Variants in RAB3B observed in about 807,000 individuals in gnomAD.
The protein encoded by RAB3B is ras-related protein Rab-3B.
Under a neutral mutation model 20.5 loss-of-function variants are expected in RAB3B, and 11 were observed. The ratio of observed to expected loss-of-function variants is 0.54; its 90% CI spans 0.34 to 0.89. The LOEUF (loss-of-function observed/expected upper bound fraction) is 0.89, where lower values mean the gene tolerates loss of function less well. Among genes scored for constraint, RAB3B ranks in the 40% least tolerant of loss-of-function variants. RAB3B has a pLI of 0.02. For missense variants in RAB3B, 225 were observed against 280.9 expected (o/e 0.80, Z 1.42); for synonymous variants, 99 against 106.3 (o/e 0.93, Z 0.42).
intron 4 of RAB3B, among the ~76,000 whole-genome samples, chr1:51,925,683 CTT>C (rs935908877): frequency 1.3e-5 from 2 of 152,312 alleles, no homozygotes; most frequent in African/African-American, 4.8e-5. Flanking sequence ...AGAAGCTTCA[CTT>C]TTTCTTCCCC....
At chr1:51,959,183 T>A (rs551215557) in intron 2 of RAB3B, among the ~76,000 whole-genome samples, 4 of 152,232 alleles carry the variant, frequency 2.6e-5, no homozygotes, top group South Asian at 4.1e-4. Flanking sequence ...GAGATGATAC[T>A]TGAACTGAGT....
intron 2 of RAB3B, among the ~76,000 whole-genome samples, chr1:51,950,818 C>A (rs935224156): frequency 3.3e-5 from 5 of 152,126 alleles, no homozygotes; most frequent in Non-Finnish European, 7.3e-5. Flanking sequence ...TTCCCCCATG[C>A]GCTACCCTCC....
At chr1:51,972,935 A>G (rs972099364) in intron 2 of RAB3B, among the ~76,000 whole-genome samples, 1 of 152,152 alleles carries the variant, frequency 6.6e-6, no homozygotes, top group Admixed American at 6.5e-5. Flanking sequence ...TTGTTTATTA[A>G]TTTTTAGATA....
rs952010570 is a variant in RAB3B at position 51,911,777 on chromosome 1, A to T, written c.*8150T>A. 5 of 152,216 alleles carry T rather than the reference A, an allele frequency of 3.3e-5. No homozygotes were observed. The allele number at this position is 152,216 out of a possible 1,614,324, so 9.4% of individuals were successfully genotyped here. On this transcript the variant is annotated 3_prime_UTR_variant, in exon 5 of 5. Transcript: ENST00000371655. ...CATATCTTCAAATATTTGCCACTCA[A>T]ATGGAAAAAGAATAGGTCCAGCTTT...
chr1:51,933,481 T>C, intron 3 of RAB3B, 39 bp from the exon 4 acceptor site: 1 of 1,575,484 alleles, frequency 6.3e-7, no homozygotes, highest in Non-Finnish European at 8.7e-7. Context: ...ATCATATTCC[T>C]ATAGACTGAA....
At chr1:51,921,812 A>C (rs902234350) in intron 4 of RAB3B, among the ~76,000 whole-genome samples, 1 of 152,126 alleles carries the variant, frequency 6.6e-6, no homozygotes, top group African/African-American at 2.4e-5. Context: ...CCTCCTCTCC[A>C]TCTTTCTAAC....
intron 2 of RAB3B, among the ~76,000 whole-genome samples, chr1:51,962,749 G>T (rs374902961): frequency 3.1e-4 from 47 of 152,116 alleles, no homozygotes; most frequent in African/African-American, 1.1e-3. Flanking sequence ...CCTCTCATCC[G>T]AACGTTTCTT....
intron 4 of RAB3B, among the ~76,000 whole-genome samples, chr1:51,921,338 A>G (rs1684169174): frequency 6.6e-6 from 1 of 152,156 alleles, no homozygotes; most frequent in Non-Finnish European, 1.5e-5. Context: ...AATCCTCACA[A>G]TAACCAGTTG....
chr1:51,927,355 C>T (rs1684258915), intron 4 of RAB3B, among the ~76,000 whole-genome samples: 2 of 152,204 alleles, frequency 1.3e-5, no homozygotes. Context: ...GACCCAGAGA[C>T]AGCAAATGCA....
chr1:51,976,509 T>C (rs187748606), intron 2 of RAB3B, among the ~76,000 whole-genome samples: 2 of 152,168 alleles, frequency 1.3e-5, no homozygotes, highest in Non-Finnish European at 2.9e-5. Context: ...AGCCTTATGA[T>C]GTAGATGCTA....
intron 2 of RAB3B, 22 bp downstream of exon 2, chr1:51,976,868 G>A (rs753282265): frequency 1.4e-5 from 22 of 1,605,052 alleles, no homozygotes; most frequent in Non-Finnish European, 1.9e-5. Context: ...GGAAAATCCT[G>A]CCCAAGATTC....
At chr1:51,925,333 C>A (rs1684230082) in intron 4 of RAB3B, among the ~76,000 whole-genome samples, 1 of 152,230 alleles carries the variant, frequency 6.6e-6, no homozygotes, top group Non-Finnish European at 1.5e-5. Context: ...TTCTCTGGAA[C>A]TTTGAGTGTC....
intron 2 of RAB3B, among the ~76,000 whole-genome samples, chr1:51,956,212 T>TAA (rs1455717290): frequency 6.6e-6 from 1 of 152,234 alleles, no homozygotes; most frequent in African/African-American, 2.4e-5. Flanking sequence ...ATTACTTTTT[T>TAA]AAGGCCCCTT....
In RAB3B at chr1:51,913,070, T is replaced by C. The variant is rs984256312; in HGVS notation, c.*6857A>G. ...TTCTTGGAGCCATCTTTTCTATATA[T>C]ACTGAATCTTTCTGCTGGGCTTCTG... On this transcript the variant is annotated 3_prime_UTR_variant, in exon 5 of 5. Coordinates refer to ENST00000371655, the MANE Select transcript of RAB3B (RefSeq NM_002867.4). 3 of 152,212 alleles carry C rather than the reference T, an allele frequency of 2.0e-5. No individual in the cohort carries two copies. The highest frequency in any genetic ancestry group is 4.4e-5 in the Non-Finnish European group (3 of 68,032). 9.4% of individuals were successfully genotyped at this position (152,212 alleles called of 1,614,324 possible).
chr1:51,959,854 T>C (rs1684762842), intron 2 of RAB3B, among the ~76,000 whole-genome samples: 1 of 152,244 alleles, frequency 6.6e-6, no homozygotes, highest in Non-Finnish European at 1.5e-5. Flanking sequence ...ATACTATCTT[T>C]GCAATTCTGT....
At chr1:51,928,008 C>A (rs1684267935) in intron 4 of RAB3B, among the ~76,000 whole-genome samples, 1 of 152,170 alleles carries the variant, frequency 6.6e-6, no homozygotes, top group Non-Finnish European at 1.5e-5. Flanking sequence ...CCCTAAAACT[C>A]CTCTACTGTT....
chr1:51,965,157 T>C (rs1684832116), intron 2 of RAB3B, among the ~76,000 whole-genome samples: 2 of 151,504 alleles, frequency 1.3e-5, no homozygotes, highest in African/African-American at 4.9e-5. Context: ...AGGCAGAGGT[T>C]GCAGTGAGCC....
At position 51,910,605 on chromosome 1, in the gene RAB3B, C is replaced by A. The variant is rs1247891377; in HGVS notation, c.*9322G>T. 6.6e-6 allele frequency: 1 copy of A among 152,000 alleles called. No individual in the cohort carries two copies. Among genetic ancestry groups the A allele is most frequent in the Non-Finnish European group, 1.5e-5 (1 of 68,010 alleles). The allele number at this position is 152,000 out of a possible 1,614,324, so 9.4% of individuals were successfully genotyped here. ...CAGCCTTGGCTCTTTTCACTGTACCCGAAAAGAAAGGAAGCTTTAGTAATG... is the reference window on the plus strand; with the variant it reads ...CAGCCTTGGCTCTTTTCACTGTACCAGAAAAGAAAGGAAGCTTTAGTAATG... On this transcript the variant is annotated 3_prime_UTR_variant, in exon 5 of 5. Transcript: ENST00000371655.
At chr1:51,952,287 A>T (rs1027762998) in intron 2 of RAB3B, among the ~76,000 whole-genome samples, 1 of 152,188 alleles carries the variant, frequency 6.6e-6, no homozygotes, top group East Asian at 1.9e-4. Context: ...AATGCCCTGT[A>T]TTCTTATTTT....
Sources: allele counts gnomAD v4.1 joint callset (sites outside exome capture counted in the v4.1 genomes callset), GRCh38; gene constraint gnomAD v4.1.1; transcripts MANE v1.5; gene names NCBI Gene and HGNC (gene_info 2026-07-23, HGNC 2026-07-21).